IWS1: variants seen among roughly 807,000 people sequenced by gnomAD.
IWS1 encodes interacts with SUPT6H, CTD assembly factor 1.
In IWS1, 27 loss-of-function variants were observed where a neutral mutation model predicts 86.7. The ratio of observed to expected loss-of-function variants is 0.31; its 90% CI spans 0.23 to 0.43. The LOEUF is 0.43. IWS1 is among the 20% of genes least tolerant of loss of function. The pLI is 1.00. For synonymous variants in IWS1, 313 were observed against 335.1 expected, an observed-to-expected ratio of 0.93 and a Z score of 0.72; for missense variants, 827 against 1,000.8, an observed-to-expected ratio of 0.83 and a Z score of 2.34.
At chr2:127,481,646 G>A (rs1273084761) in intron 13 of IWS1, among the ~76,000 whole-genome samples, 1 of 152,158 alleles carries the variant, frequency 6.6e-6, no homozygotes, top group East Asian at 1.9e-4. Flanking sequence ...GAGGTTAGAT[G>A]ATTAGTGAAG....
At position 127,513,559 on chromosome 2, in the gene IWS1, G is replaced by GA. The variant is rs201699536; in HGVS notation, c.151-7808dup. Among the ~76,000 whole-genome samples, 691 of 148,544 alleles carry GA rather than the reference G, an allele frequency of 4.7e-3. 3 individuals carry two copies. Among genetic ancestry groups the GA allele is most frequent in the Middle Eastern group, 0.017 (5 of 292 alleles). On this transcript the variant is annotated intron_variant, in intron 2 of 13. Coordinates refer to ENST00000295321, the MANE Select transcript of IWS1 (RefSeq NM_017969.3). ...GTAAGGGAATATAAAGATAAAAACAGAAAAAAAAACAGCTAGTAAAGAAAG... is the reference window on the plus strand; with the variant it reads ...GTAAGGGAATATAAAGATAAAAACAGAAAAAAAAAACAGCTAGTAAAGAAAG...
Position 127,512,602 on chromosome 2 carries a change from C to A in IWS1, c.151-6850G>T, listed in dbSNP as rs138440604. Among the ~76,000 whole-genome samples, 1,464 of 152,300 alleles carry A rather than the reference C, an allele frequency of 9.6e-3. 29 individuals carry two copies. Among genetic ancestry groups the A allele is most frequent in the African/African-American group, 0.033 (1,386 of 41,556 alleles). Reference sequence around the variant, plus strand: ...TGTACCTGTTGCTCTTCTAGCTAGACAGAATTACCACCACCCCTATCGCCA... The same window carrying A: ...TGTACCTGTTGCTCTTCTAGCTAGAAAGAATTACCACCACCCCTATCGCCA... On this transcript the variant is annotated intron_variant, in intron 2 of 13. Transcript: ENST00000295321.
At position 127,489,709 on chromosome 2, in the gene IWS1, C is replaced by A; in HGVS notation, c.2159+123G>T. On this transcript the variant is annotated intron_variant, in intron 11 of 13. Transcript: ENST00000295321. The surrounding 1 kb of genome is among the most constrained non-coding windows in gnomAD (Gnocchi z 4.8). Reference sequence around the variant, plus strand: ...CTAAAAGGATATTATGAATTATGTACACATATCAAGCTGAGAGGAAAGGAA... The same window carrying A: ...CTAAAAGGATATTATGAATTATGTAAACATATCAAGCTGAGAGGAAAGGAA... 1 of 710,992 alleles carries A rather than the reference C, an allele frequency of 1.4e-6. No individual in the cohort carries two copies. Among genetic ancestry groups the A allele is most frequent in the Non-Finnish European group, 2.6e-6 (1 of 390,732 alleles). 44.0% of individuals were successfully genotyped at this position (710,992 alleles called of 1,614,324 possible). A position where few individuals can be genotyped will look rare whatever the true frequency, so the allele number is the denominator to read the frequency against.
chr2:127,490,015 C>CTT (rs1690140543), intron 10 of IWS1, 72 bp from the exon 11 acceptor site: 1 of 808,012 alleles, frequency 1.2e-6, no homozygotes, highest in African/African-American at 1.7e-5. Flanking sequence ...AATTGCACCC[C>CTT]AGTGTGAGGG....
intron 8 of IWS1, 64 bp downstream of exon 8, chr2:127,494,808 A>C (rs889536783): frequency 2.1e-5 from 18 of 877,216 alleles, no homozygotes; most frequent in Non-Finnish European, 3.3e-5. Flanking sequence ...GAACACCAGT[A>C]CATCATTTGA....
intron 2 of IWS1, chr2:127,514,300 C>G (rs1249466458): frequency 6.5e-6 from 1 of 154,490 alleles, no homozygotes; most frequent in Non-Finnish European, 1.5e-5. Flanking sequence ...TAACCTCATT[C>G]TTCTTGGATG....
At chr2:127,481,442 AGG>A (rs371899937) in intron 13 of IWS1, among the ~76,000 whole-genome samples, 3 of 150,830 alleles carry the variant, frequency 2.0e-5, no homozygotes, top group Non-Finnish European at 3.0e-5. Flanking sequence ...GATGGGAGAA[AGG>A]GGGGGGGAAA....
intron 3 of IWS1, among the ~76,000 whole-genome samples, chr2:127,504,346 A>T (rs1294412047): frequency 6.6e-6 from 1 of 152,242 alleles, no homozygotes; most frequent in Non-Finnish European, 1.5e-5. Flanking sequence ...CACAGCTAAC[A>T]ATTAATACAG....
chr2:127,507,261 A>T (rs929147384), intron 2 of IWS1, among the ~76,000 whole-genome samples: 1 of 152,234 alleles, frequency 6.6e-6, no homozygotes, highest in Non-Finnish European at 1.5e-5. Context: ...AAATTCAAAA[A>T]GAATATGAAA....
rs1573583006 is a variant in IWS1, at chr2:127,526,446, G to C, written c.-238C>G. On this transcript the variant is annotated 5_prime_UTR_variant, in exon 1 of 14. Transcript: ENST00000295321. ...GGCGGGCGGGCAGGCATGCGAGCCG[G>C]CGTTCTACTTCCTAGAAGCACCGCT... 6.5e-7 allele frequency: 1 copy of C among 1,534,888 alleles called. No individual in the cohort carries two copies.
intron 2 of IWS1, among the ~76,000 whole-genome samples, chr2:127,512,168 C>T (rs1691508756): frequency 6.6e-6 from 1 of 152,184 alleles, no homozygotes; most frequent in Non-Finnish European, 1.5e-5. Context: ...ATAAAATCTA[C>T]AGGCTTCTGG....
At chr2:127,514,295 T>G (rs1477949095) in intron 2 of IWS1, 1 of 154,406 alleles carries the variant, frequency 6.5e-6, no homozygotes, top group Non-Finnish European at 1.5e-5. Flanking sequence ...CCGTGTAACC[T>G]CATTCTTCTT....
chr2:127,505,467 A>G lies in IWS1; in HGVS notation c.436T>C (p.Ser146Pro), dbSNP rs770448470. The G allele has an allele frequency of 7.4e-6, 12 of 1,614,070 alleles. No individual in the cohort carries two copies. Among genetic ancestry groups the G allele is most frequent in the Non-Finnish European group, 9.3e-6 (11 of 1,180,008 alleles). ...TGCTTCCCAACATCTTCGTTTTCTG[A>G]GTCACTTGCATGCCCATTAAGAAGT... is the stretch of plus-strand genomic sequence containing the variant. ...EELLNGHASD[S>P]ENEDVGKHPA... Residue 146 changes from serine to proline, a missense_variant, in exon 3 of 14, where the codon TCA (serine) becomes CCA (proline). Ser to Pro is a moderately conservative substitution (Grantham distance 74). Around this residue, in one of 2 missense-constraint regions of IWS1, gnomAD observed 548 missense variants for 560.2 expected, o/e 0.98. Transcript: ENST00000295321. The surrounding 1 kb of genome is among the most constrained non-coding windows in gnomAD (Gnocchi z 5.0).
intron 2 of IWS1, among the ~76,000 whole-genome samples, chr2:127,521,237 G>C (rs1173249399): frequency 6.6e-6 from 1 of 152,206 alleles, no homozygotes; most frequent in Admixed American, 6.5e-5. Flanking sequence ...GGGACAGAGT[G>C]AGACTCTGTC....
intron 2 of IWS1, among the ~76,000 whole-genome samples, chr2:127,522,133 TTC>T (rs1028061414): frequency 6.6e-6 from 1 of 152,186 alleles, no homozygotes; most frequent in Non-Finnish European, 1.5e-5. Flanking sequence ...CCGCATTTAG[TTC>T]TCTGACCTCC....
chr2:127,504,236 T>A (rs1690979543), intron 3 of IWS1, among the ~76,000 whole-genome samples: 1 of 152,224 alleles, frequency 6.6e-6, no homozygotes, highest in Non-Finnish European at 1.5e-5. Flanking sequence ...AAAGCTTCCC[T>A]GTATCTGAAT....
At chr2:127,496,201 T>A (rs761492688) in intron 6 of IWS1, 53 bp from the exon 7 acceptor site, 550 of 1,555,278 alleles carry the variant, frequency 3.5e-4, no homozygotes, top group Non-Finnish European at 4.6e-4. Context: ...TAAATACACA[T>A]TTACTTTCAC....
chr2:127,481,444 G>A (rs777559), intron 13 of IWS1, among the ~76,000 whole-genome samples: 22,064 of 151,626 alleles, frequency 0.15, 2,867 homozygotes, highest in African/African-American at 0.34. Flanking sequence ...TGGGAGAAAG[G>A]GGGGGGGAAA....
At chr2:127,487,724 G>A (rs1305293826) in intron 12 of IWS1, among the ~76,000 whole-genome samples, 2 of 152,094 alleles carry the variant, frequency 1.3e-5, no homozygotes, top group Non-Finnish European at 2.9e-5. Flanking sequence ...CTAATTTTTT[G>A]TATTTTTAGT....
Sources: gnomAD v4.1 joint callset for allele counts (sites outside exome capture counted in the v4.1 genomes callset) on GRCh38, gnomAD v4.1.1 for gene constraint, gnomAD v4.1.1 regional missense constraint, Gnocchi (gnomAD v3.1) non-coding constraint, MANE v1.5 for transcripts, NCBI Gene and HGNC (gene_info 2026-07-23, HGNC 2026-07-21) for gene names.